Variants in ANK2 observed in about 807,000 individuals in gnomAD.
ANK2 encodes the protein ankyrin 2.
Under a neutral mutation model 360.5 loss-of-function variants are expected in ANK2, and 83 were observed. That is an observed-to-expected ratio of 0.23 (90% CI 0.19 to 0.28). ANK2 has a LOEUF of 0.28. Ranked by LOEUF, ANK2 falls within the 10% of genes least tolerant of loss-of-function variation. The pLI, the probability that ANK2 is intolerant of heterozygous loss-of-function variation, is 1.00. For synonymous variants in ANK2, 1,740 were observed against 1,759.5 expected (o/e 0.99, Z 0.28); for missense variants, 4,201 against 4,795.7 (o/e 0.88, Z 3.66).
intron 23 of ANK2, among the ~76,000 whole-genome samples, chr4:113,303,163 AAT>A (rs2075761568): frequency 6.6e-6 from 1 of 152,212 alleles, no homozygotes; most frequent in African/African-American, 2.4e-5. Flanking sequence ...TTGTTATTAA[AAT>A]ATGTTTGAAT....
chr4:112,793,346 A>AAAACCTTAATT, the ANK2 span, among the ~76,000 whole-genome samples: 3 of 152,166 alleles, frequency 2.0e-5, no homozygotes, highest in Non-Finnish European at 4.4e-5. Context: ...TTAAGAAATT[A>AAAACCTTAATT]AGGTTTTAAT....
the ANK2 span, among the ~76,000 whole-genome samples, chr4:112,754,930 T>C: frequency 6.6e-6 from 1 of 152,130 alleles, no homozygotes; most frequent in East Asian, 1.9e-4. Context: ...ATGAAGATTT[T>C]TTTACTTTTT....
intron 2 of ANK2, among the ~76,000 whole-genome samples, chr4:112,950,099 A>G (rs898886652): frequency 1.3e-5 from 2 of 152,092 alleles, no homozygotes; most frequent in Non-Finnish European, 1.5e-5. Context: ...TCCTTTTCAC[A>G]AGGGTCTTCA....
At position 113,183,124 on chromosome 4, in the gene ANK2, T is replaced by A. The variant is rs1376495281; in HGVS notation, c.186+8607T>A. On this transcript the variant is annotated intron_variant, in intron 2 of 45. Transcript: ENST00000357077. ...GGAGCAGGAAGTGGTGTGGGTGCCG[T>A]GCTGGGAGCTGGTTGTGGGGTGGAA... 5.9e-5 allele frequency among the ~76,000 whole-genome samples: 9 copies of A among 152,126 alleles called. No homozygotes were observed. In the East Asian group the frequency reaches 1.7e-3, roughly 29 times the overall value.
intron 1 of ANK2, among the ~76,000 whole-genome samples, chr4:113,077,859 C>T (rs2080773651): frequency 6.6e-6 from 1 of 152,194 alleles, no homozygotes; most frequent in Non-Finnish European, 1.5e-5. Context: ...GCCCCAGTAT[C>T]TTGAATGTAT....
the ANK2 span, among the ~76,000 whole-genome samples, chr4:112,771,310 G>T: frequency 2.0e-5 from 3 of 151,024 alleles, no homozygotes; most frequent in Non-Finnish European, 4.4e-5. Context: ...TAGAGATGGG[G>T]TTTCTCCATG....
intron 2 of ANK2, among the ~76,000 whole-genome samples, chr4:112,976,152 T>C (rs2041326748): frequency 6.6e-6 from 1 of 152,074 alleles, no homozygotes; most frequent in African/African-American, 2.4e-5. Context: ...AGCTTAGGAA[T>C]TAAAAGAGTT....
chr4:113,052,237 T>TA (rs1164077534), intron 1 of ANK2, among the ~76,000 whole-genome samples: 1 of 152,210 alleles, frequency 6.6e-6, no homozygotes, highest in Non-Finnish European at 1.5e-5. Flanking sequence ...GTATCCCTAA[T>TA]AAGCATAAAA....
intron 1 of ANK2, among the ~76,000 whole-genome samples, chr4:112,828,543 C>T (rs557509973): frequency 6.6e-6 from 1 of 152,170 alleles, no homozygotes; most frequent in East Asian, 1.9e-4. Context: ...GAATTAAGGA[C>T]TTAAATATAA....
At chr4:113,103,164 A>G (rs1041637635) in intron 1 of ANK2, among the ~76,000 whole-genome samples, 1 of 152,206 alleles carries the variant, frequency 6.6e-6, no homozygotes, top group African/African-American at 2.4e-5. Flanking sequence ...TGATTAAACT[A>G]TAAATAGAGC....
At chr4:113,261,046 G>C (rs2052580966) in intron 13 of ANK2, among the ~76,000 whole-genome samples, 1 of 152,210 alleles carries the variant, frequency 6.6e-6, no homozygotes, top group African/African-American at 2.4e-5. Flanking sequence ...AGCAGAGTCA[G>C]TTTTAACAAC....
chr4:113,158,294 G>C (rs2097375173), intron 1 of ANK2, among the ~76,000 whole-genome samples: 1 of 152,150 alleles, frequency 6.6e-6, no homozygotes, highest in Admixed American at 6.5e-5. Context: ...TTTATCTTAA[G>C]ACATAGTGAA....
At chr4:113,099,063 T>C (rs1043590440) in intron 1 of ANK2, among the ~76,000 whole-genome samples, 2 of 151,996 alleles carry the variant, frequency 1.3e-5, no homozygotes, top group Non-Finnish European at 2.9e-5. Context: ...GACTTAATGG[T>C]GAGAAACTAG....
At chr4:113,090,680 G>A (rs1235389150) in intron 1 of ANK2, among the ~76,000 whole-genome samples, 2 of 152,114 alleles carry the variant, frequency 1.3e-5, no homozygotes, top group Non-Finnish European at 2.9e-5. Context: ...TGAGTTAGTT[G>A]CCAATGTTTT....
chr4:112,970,560 TGGCCA>T (rs2039148468), intron 2 of ANK2, among the ~76,000 whole-genome samples: 1 of 152,184 alleles, frequency 6.6e-6, no homozygotes, highest in Non-Finnish European at 1.5e-5. Flanking sequence ...TTCATCATAT[TGGCCA>T]GGCTTGTCTC....
At chr4:113,175,199 A>G (rs909105284) in intron 2 of ANK2, among the ~76,000 whole-genome samples, 15 of 152,202 alleles carry the variant, frequency 9.9e-5, no homozygotes, top group Non-Finnish European at 1.6e-4. Flanking sequence ...AGACCTAACT[A>G]GGAAGTGAAT....
At chr4:113,027,541 G>C (rs1455476610) in intron 2 of ANK2, among the ~76,000 whole-genome samples, 1 of 152,096 alleles carries the variant, frequency 6.6e-6, no homozygotes, top group Non-Finnish European at 1.5e-5. Context: ...CATTATTGGA[G>C]CGGAACCATA....
chr4:113,222,391 A>ATTTT (rs397880062), intron 4 of ANK2, among the ~76,000 whole-genome samples: 14 of 122,458 alleles, frequency 1.1e-4, no homozygotes, highest in African/African-American at 3.5e-4. Flanking sequence ...CTCTGAAACA[A>ATTTT]TTTTTTTTTT....
In ANK2 at chr4:113,353,208, T is replaced by C; in HGVS notation, c.4590T>C (p.Gly1530=). 6.2e-7 allele frequency: 1 copy of C among 1,613,984 alleles called. No individual in the cohort carries two copies. The highest frequency in any genetic ancestry group is 1.1e-5 in the South Asian group (1 of 91,062). ...ILTTDVSDKA[G]SIKVKELVKA... is the part of the protein sequence containing the mutation. Reference sequence around the variant, plus strand: ...CCACAGATGTGTCTGATAAGGCAGGTTCTATTAAAGTGAAGGAGCTGGTGA... The same window carrying C: ...CCACAGATGTGTCTGATAAGGCAGGCTCTATTAAAGTGAAGGAGCTGGTGA... Residue 1530 remains glycine, a synonymous_variant, in exon 38 of 46, where the codon GGT becomes GGC. Transcript: ENST00000357077.
Sources: gnomAD v4.1 joint callset for allele counts (sites outside exome capture counted in the v4.1 genomes callset) on GRCh38, gnomAD v4.1.1 for gene constraint, MANE v1.5 for transcripts, NCBI Gene and HGNC (gene_info 2026-07-23, HGNC 2026-07-21) for gene names.